SLCO1B1: variants seen among roughly 807,000 people sequenced by gnomAD.
SLCO1B1 encodes the protein solute carrier organic anion transporter family member 1B1, also known as OATP-2.
In SLCO1B1, 81 loss-of-function variants were observed where a neutral mutation model predicts 70.1. The ratio of observed to expected loss-of-function variants is 1.16; its 90% CI spans 0.97 to 1.39. The LOEUF (loss-of-function observed/expected upper bound fraction) is 1.39. Among genes scored for constraint, SLCO1B1 ranks in the 40% most tolerant of loss-of-function variants. The pLI is 0.00. For missense variants in SLCO1B1, 895 were observed against 799.6 expected (o/e 1.12, Z -1.44); for synonymous variants, 283 against 271.5 (o/e 1.04, Z -0.42).
In SLCO1B1 at chr12:21,174,600, G is replaced by T. The variant is rs750031541; in HGVS notation, c.250G>T (p.Val84Leu). 2.7e-5 allele frequency: 43 copies of T among 1,613,134 alleles called. No individual in the cohort carries two copies. In the East Asian group the frequency reaches 9.6e-4, roughly 36 times the overall value. ...AGGAAATTTGCTTGTGATTGTATTT[G>T]TGAGTTACTTTGGATCCAAACTACA... is the stretch of plus-strand genomic sequence containing the variant. The part of the protein sequence containing the change: ...EIGNLLVIVF[V>L]SYFGSKLHRP... Residue 84 changes from valine (V) to leucine (L), a missense_variant, in exon 4 of 15, where the codon GTG becomes TTG. Transcript: ENST00000256958.
chr12:21,174,648 G>A lies in SLCO1B1; in HGVS notation c.298G>A (p.Gly100Ser), dbSNP rs144508550. ...ACATAGACCAAAGTTAATTGGAATC[G>A]GTTGTTTCATTATGGGAATTGGAGG... ...KLHRPKLIGIGCFIMGIGGVL... is the reference protein window; with the variant it reads ...KLHRPKLIGISCFIMGIGGVL... Residue 100 changes from glycine to serine, a missense_variant, in exon 4 of 15, where the codon GGT (glycine) becomes AGT (serine). Coordinates refer to ENST00000256958, the MANE Select transcript of SLCO1B1 (RefSeq NM_006446.5). 2.6e-5 allele frequency: 42 copies of A among 1,612,718 alleles called. No homozygotes were observed. The African/African-American group carries it at 2.7e-4, about 10-fold the overall frequency.
chr12:21,143,574 C>A (rs1940341706), intron 2 of SLCO1B1, among the ~76,000 whole-genome samples: 1 of 151,932 alleles, frequency 6.6e-6, no homozygotes, highest in South Asian at 2.1e-4. Context: ...GGTATTATCT[C>A]CCCTTTTCAG....
chr12:21,229,129 C>G (rs1287960407), intron 14 of SLCO1B1, among the ~76,000 whole-genome samples: 1 of 152,032 alleles, frequency 6.6e-6, no homozygotes, highest in Admixed American at 6.5e-5. Flanking sequence ...GGAGAAATTA[C>G]AGAGATTTCC....
intron 7 of SLCO1B1, 94 bp from the exon 8 acceptor site, chr12:21,196,851 AG>A: frequency 7.8e-7 from 1 of 1,274,582 alleles, no homozygotes; most frequent in Non-Finnish European, 1.1e-6. Flanking sequence ...CTTGGAATTG[AG>A]GAAATGTAGT....
chr12:21,225,070 A>C, intron 14 of SLCO1B1, among the ~76,000 whole-genome samples: 1 of 152,272 alleles, frequency 6.6e-6, no homozygotes, highest in Admixed American at 6.5e-5. Flanking sequence ...CTGTGATTCA[A>C]GGATAATAAC....
At chr12:21,165,503 G>A (rs191202792) in intron 2 of SLCO1B1, among the ~76,000 whole-genome samples, 2 of 152,198 alleles carry the variant, frequency 1.3e-5, no homozygotes, top group East Asian at 3.9e-4. Flanking sequence ...CAAGGCAAGT[G>A]AAAGGTCAAA....
At chr12:21,229,681 G>A (rs1359299355) in intron 14 of SLCO1B1, among the ~76,000 whole-genome samples, 1 of 152,116 alleles carries the variant, frequency 6.6e-6, no homozygotes, top group Non-Finnish European at 1.5e-5. Context: ...TATATATGAA[G>A]ATGTTTGATT....
intron 11 of SLCO1B1, among the ~76,000 whole-genome samples, chr12:21,206,290 A>G (rs1941214387): frequency 6.6e-6 from 1 of 151,898 alleles, no homozygotes; most frequent in Admixed American, 6.6e-5. Context: ...AGATTGTAAG[A>G]CTATGACCTT....
chr12:21,131,430 A>G (rs1018243789), intron 1 of SLCO1B1, among the ~76,000 whole-genome samples, 194 bp downstream of exon 1: 2 of 152,094 alleles, frequency 1.3e-5, no homozygotes, highest in African/African-American at 2.4e-5. Context: ...ATATACTGTT[A>G]AAAATAAAGT....
At chr12:21,137,211 C>T (rs1940236630) in intron 1 of SLCO1B1, among the ~76,000 whole-genome samples, 1 of 152,100 alleles carries the variant, frequency 6.6e-6, no homozygotes, top group African/African-American at 2.4e-5. Context: ...CAGAGGAGTA[C>T]CCGACCGTGT....
intron 11 of SLCO1B1, among the ~76,000 whole-genome samples, chr12:21,209,033 T>A (rs1941246625): frequency 6.6e-6 from 1 of 151,816 alleles, no homozygotes; most frequent in South Asian, 2.1e-4. Context: ...GCAGAGTATT[T>A]AGGGTTTTTT....
At chr12:21,132,826 C>T (rs1271644080) in intron 1 of SLCO1B1, among the ~76,000 whole-genome samples, 1 of 152,130 alleles carries the variant, frequency 6.6e-6, no homozygotes, top group Non-Finnish European at 1.5e-5. Flanking sequence ...TGCAGAAGCT[C>T]TTTAGTTTAA....
intron 7 of SLCO1B1, among the ~76,000 whole-genome samples, chr12:21,185,669 G>T (rs1336022774): frequency 6.6e-6 from 1 of 151,516 alleles, no homozygotes; most frequent in Non-Finnish European, 1.5e-5. Flanking sequence ...ATTTAACATT[G>T]CACTTACACT....
chr12:21,224,977 C>G, intron 14 of SLCO1B1, 138 bp downstream of exon 14: 2 of 528,040 alleles, frequency 3.8e-6, no homozygotes, highest in Non-Finnish European at 6.6e-6. Flanking sequence ...AGTATGGTAT[C>G]AAGCAATCTC....
intron 4 of SLCO1B1, 110 bp downstream of exon 4, chr12:21,174,819 AC>A: frequency 1.9e-6 from 2 of 1,038,418 alleles, no homozygotes; most frequent in Non-Finnish European, 2.9e-6. Context: ...TTGAGAAGAT[AC>A]CCACTAAGTG....
chr12:21,205,339 T>A (rs1237355803), intron 10 of SLCO1B1, among the ~76,000 whole-genome samples: 1 of 151,962 alleles, frequency 6.6e-6, no homozygotes, highest in Non-Finnish European at 1.5e-5. Flanking sequence ...TTTCAACTGA[T>A]TCTATTCTTG....
intron 12 of SLCO1B1, among the ~76,000 whole-genome samples, chr12:21,217,518 C>T (rs768208611): frequency 3.3e-5 from 5 of 152,068 alleles, no homozygotes; most frequent in Admixed American, 1.3e-4. Flanking sequence ...AGATTCCATA[C>T]GTTTCTTCTC....
At chr12:21,207,353 A>G (rs1433935352) in intron 11 of SLCO1B1, among the ~76,000 whole-genome samples, 3 of 151,894 alleles carry the variant, frequency 2.0e-5, no homozygotes, top group Non-Finnish European at 4.4e-5. Context: ...GTGTGGACCC[A>G]GTGATTAGCT....
intron 12 of SLCO1B1, among the ~76,000 whole-genome samples, chr12:21,217,745 C>T (rs4149073): frequency 0.36 from 54,414 of 151,948 alleles, 12,127 homozygotes; most frequent in South Asian, 0.52. Flanking sequence ...AACTTTTAAT[C>T]GACTCACAGC....
Sources: allele counts gnomAD v4.1 joint callset (sites outside exome capture counted in the v4.1 genomes callset), GRCh38; gene constraint gnomAD v4.1.1; transcripts MANE v1.5; gene names NCBI Gene and HGNC (gene_info 2026-07-23, HGNC 2026-07-21).